The following INSR variants were observed in gnomAD, a reference collection of about 807,000 sequenced individuals.
The protein encoded by INSR is insulin receptor, also known as IR.
A neutral mutation model predicts 142.6 loss-of-function variants in INSR; 67 were observed. That is an observed-to-expected ratio of 0.47 (90% CI 0.39 to 0.58). The LOEUF is 0.58. INSR is among the 20% of genes least tolerant of loss of function. INSR has a pLI of 0.00. For missense variants in INSR, 1,248 were observed against 1,833.2 expected, an observed-to-expected ratio of 0.68 and a Z score of 5.83; for synonymous variants, 756 against 743.1, an observed-to-expected ratio of 1.02 and a Z score of -0.28.
At chr19:7,178,041 T>G (rs1974180297) in intron 3 of INSR, among the ~76,000 whole-genome samples, 1 of 152,018 alleles carries the variant, frequency 6.6e-6, no homozygotes, top group Non-Finnish European at 1.5e-5. Flanking sequence ...CATTTTTTAT[T>G]GGTGGCATCC....
At chr19:7,170,145 C>G (rs968254119) in intron 6 of INSR, among the ~76,000 whole-genome samples, 8 of 152,270 alleles carry the variant, frequency 5.3e-5, no homozygotes, top group Admixed American at 4.6e-4. Context: ...GCATGACCAC[C>G]TGAGTTCTGC....
At chr19:7,118,914 C>CAA (rs59739401) in intron 21 of INSR, among the ~76,000 whole-genome samples, 14 of 68,872 alleles carry the variant, frequency 2.0e-4, no homozygotes, top group Admixed American at 7.8e-4. Context: ...GATTCCGTCT[C>CAA]AAAAAAAAAA....
chr19:7,289,893 C>G (rs1968446485), intron 1 of INSR, among the ~76,000 whole-genome samples: 1 of 152,192 alleles, frequency 6.6e-6, no homozygotes, highest in Non-Finnish European at 1.5e-5. Flanking sequence ...CAGCTCAACA[C>G]TCTACATACA....
At chr19:7,143,970 G>A (rs1177330252) in intron 11 of INSR, among the ~76,000 whole-genome samples, 6 of 151,636 alleles carry the variant, frequency 4.0e-5, no homozygotes, top group African/African-American at 1.5e-4. Flanking sequence ...CAAGAGAATT[G>A]CTTGAACCCG....
chr19:7,227,175 G>A (rs770364317), intron 2 of INSR, among the ~76,000 whole-genome samples: 10 of 152,102 alleles, frequency 6.6e-5, no homozygotes, highest in Admixed American at 2.6e-4. Context: ...TAGGTTTGGT[G>A]TGAAAAATTA....
At position 7,113,064 on chromosome 19, in the gene INSR, C is replaced by A. The variant is rs894871318; in HGVS notation, c.*3992G>T. The A allele has an allele frequency of 3.9e-5, 6 of 152,186 alleles. No homozygotes were observed. The highest frequency in any genetic ancestry group is 1.4e-4 in the African/African-American group (6 of 41,428). The allele number at this position is 152,186 out of a possible 1,614,324, so 9.4% of individuals were successfully genotyped here. A position where few individuals can be genotyped will look rare whatever the true frequency, so the allele number is the denominator to read the frequency against. On this transcript the variant is annotated 3_prime_UTR_variant, in exon 22 of 22. Transcript: ENST00000302850. ...AAGGTGTCAAGGACTCACCAGGTGA[C>A]ATTCAAAGGACATTTAACCCTAAAC...
intron 14 of INSR, among the ~76,000 whole-genome samples, chr19:7,130,688 T>C (rs1297752459): frequency 6.6e-6 from 1 of 152,172 alleles, no homozygotes; most frequent in Non-Finnish European, 1.5e-5. Flanking sequence ...AGCATCATGG[T>C]TCCTGTACTG....
chr19:7,133,687 C>T (rs1254742152), intron 13 of INSR, among the ~76,000 whole-genome samples: 1 of 152,136 alleles, frequency 6.6e-6, no homozygotes, highest in Non-Finnish European at 1.5e-5. Flanking sequence ...GATGGTGAAA[C>T]CCCCACCTCT....
rs369249598 is a variant in INSR at position 7,132,217 on chromosome 19, G to A, written c.2783C>T (p.Thr928Ile). The A allele has an allele frequency of 1.9e-6, 3 of 1,614,118 alleles. No homozygotes were observed. Among genetic ancestry groups the A allele is most frequent in the Non-Finnish European group, 2.5e-6 (3 of 1,180,052 alleles). ...CCAAGAGCCGTTGCCCGCAAGGGAGGTGGCCCGGATTCGCACGCTGTAGTT... is the reference window on the plus strand; with the variant it reads ...CCAAGAGCCGTTGCCCGCAAGGGAGATGGCCCGGATTCGCACGCTGTAGTT... ...PGNYSVRIRA[T>I]SLAGNGSWTE... Residue 928 changes from threonine to isoleucine, a missense_variant, in exon 14 of 22, where the codon ACC (threonine) becomes ATC (isoleucine). Physicochemically the swap from Thr to Ile is moderately conservative, Grantham distance 89. Around this residue, in one of 3 missense-constraint regions of INSR, gnomAD observed 1,069 missense variants for 1,654.0 expected, o/e 0.65. Transcript: ENST00000302850.
At chr19:7,239,460 A>C (rs574933980) in intron 2 of INSR, among the ~76,000 whole-genome samples, 94 of 152,290 alleles carry the variant, frequency 6.2e-4, no homozygotes, top group South Asian at 4.3e-3. Context: ...ATTTTCCTGC[A>C]GCCTTGCCCA....
Position 7,241,664 on chromosome 19 carries a change from T to C in INSR, c.652+25681A>G, listed in dbSNP as rs149056961. ...TAAATCAGCTGGGCATGGTGGCACA[T>C]GCCTGTGATCCCAGCACTTGGCAGT... is the stretch of plus-strand genomic sequence containing the variant. On this transcript the variant is annotated intron_variant, in intron 2 of 21. Coordinates refer to ENST00000302850, the MANE Select transcript of INSR (RefSeq NM_000208.4). Among the ~76,000 whole-genome samples the C allele has an allele frequency of 2.7e-3, 417 of 152,188 alleles. 2 individuals are homozygous for C. The highest frequency in any genetic ancestry group is 0.01 in the Middle Eastern group (3 of 294).
At chr19:7,177,075 C>G (rs142593081) in intron 3 of INSR, among the ~76,000 whole-genome samples, 70 of 152,236 alleles carry the variant, frequency 4.6e-4, no homozygotes, top group African/African-American at 1.6e-3. Flanking sequence ...AAACTCACAG[C>G]CCCCAGGAGT....
At chr19:7,124,049 G>A (rs1157393648) in intron 17 of INSR, among the ~76,000 whole-genome samples, 4 of 150,760 alleles carry the variant, frequency 2.7e-5, no homozygotes, top group African/African-American at 4.9e-5. Flanking sequence ...GTGAAACCCC[G>A]TCTCTACTGA....
intron 2 of INSR, among the ~76,000 whole-genome samples, chr19:7,265,897 T>A (rs4804219): frequency 0.073 from 11,051 of 152,112 alleles, 543 homozygotes; most frequent in African/African-American, 0.14. Context: ...CCCAGAGCAT[T>A]TAAACCACTG....
chr19:7,184,661 G>GAGAGTGA, intron 2 of INSR, 24 bp from the exon 3 acceptor site: 1 of 1,294,268 alleles, frequency 7.7e-7, no homozygotes, highest in Non-Finnish European at 1.1e-6. Context: ...GAGAGAGAGA[G>GAGAGTGA]GGAAATAAAT....
chr19:7,258,583 A>G (rs1411217533), intron 2 of INSR, among the ~76,000 whole-genome samples: 1 of 149,418 alleles, frequency 6.7e-6, no homozygotes, highest in Admixed American at 6.7e-5. Context: ...AGCAAGTCTC[A>G]TAATTCCTAG....
At chr19:7,145,480 A>C (rs1973165269) in intron 11 of INSR, among the ~76,000 whole-genome samples, 2 of 152,194 alleles carry the variant, frequency 1.3e-5, no homozygotes, top group Admixed American at 6.6e-5. Flanking sequence ...TCATTTAAAA[A>C]GTTTCATAAT....
At chr19:7,145,633 C>T (rs1170100484) in intron 11 of INSR, among the ~76,000 whole-genome samples, 1 of 152,162 alleles carries the variant, frequency 6.6e-6, no homozygotes, top group African/African-American at 2.4e-5. Flanking sequence ...TAAAGCAGCC[C>T]TACATGATGT....
rs185982575 is a variant in INSR, at chr19:7,262,464, C to T, written c.652+4881G>A. ...TCCAGCCTGGGCGACGAGAGCAAAACTCCGTCTCAAAAAATAAATAAATAA... is the reference window on the plus strand; with the variant it reads ...TCCAGCCTGGGCGACGAGAGCAAAATTCCGTCTCAAAAAATAAATAAATAA... On this transcript the variant is annotated intron_variant, in intron 2 of 21. Coordinates refer to ENST00000302850, the MANE Select transcript of INSR (RefSeq NM_000208.4). Among the ~76,000 whole-genome samples the T allele has an allele frequency of 7.2e-5, 11 of 152,238 alleles. No individual in the cohort carries two copies. The East Asian group carries it at 1.9e-3, about 27-fold the overall frequency.
Sources: gnomAD v4.1 joint callset for allele counts (sites outside exome capture counted in the v4.1 genomes callset) on GRCh38, gnomAD v4.1.1 for gene constraint, gnomAD v4.1.1 regional missense constraint, MANE v1.5 for transcripts, NCBI Gene and HGNC (gene_info 2026-07-23, HGNC 2026-07-21) for gene names.